The following NSD2 variants were observed in gnomAD, a reference collection of about 807,000 sequenced individuals.
NSD2 encodes nuclear receptor binding SET domain protein 2, also known as histone-lysine N-methyltransferase NSD2.
A neutral mutation model predicts 139.0 loss-of-function variants in NSD2; 12 were observed. That is an observed-to-expected ratio of 0.09 (90% CI 0.06 to 0.14). The LOEUF (loss-of-function observed/expected upper bound fraction) is 0.14. NSD2 is among the 10% of genes least tolerant of loss of function. The pLI, the probability that NSD2 is intolerant of heterozygous loss-of-function variation, is 1.00. For missense variants in NSD2, 1,155 were observed against 1,745.0 expected (o/e 0.66, Z 6.02); for synonymous variants, 669 against 648.7 (o/e 1.03, Z -0.48).
rs1205642465 is a variant in NSD2 at position 1,958,559 on chromosome 4, G to C, written c.2985+523G>C. ...CTCCAGGCCCCTCAGGGCTGCCTGC[G>C]CTCAGAGCTGGTGCGGCAAGCCGCA... On this transcript the variant is annotated intron_variant, in intron 16 of 21. Coordinates refer to ENST00000508803, the MANE Select transcript of NSD2 (RefSeq NM_001042424.3). This position sits in a 1 kb window ranked among gnomAD's most constrained non-coding sequence, Gnocchi z 4.6. 6.6e-6 allele frequency among the ~76,000 whole-genome samples: 1 copy of C among 152,260 alleles called. No homozygotes were observed. Among genetic ancestry groups the C allele is most frequent in the African/African-American group, 2.4e-5 (1 of 41,476 alleles).
rs1028007623 is a variant in NSD2, at chr4:1,942,680, G to A, written c.1881+2902G>A. The stretch of plus-strand genomic sequence containing the variant: ...GTTGAAAGGCAGTCCCTTTAGTTGG[G>A]GGCTGTCCAGAGCTGCAGCAGGGCT... On this transcript the variant is annotated intron_variant, in intron 9 of 21. Transcript: ENST00000508803. This position sits in a 1 kb window ranked among gnomAD's most constrained non-coding sequence, Gnocchi z 4.0. The A allele has an allele frequency of 1.2e-5, 14 of 1,151,988 alleles. No homozygotes were observed. The highest frequency in any genetic ancestry group is 1.5e-5 in the Non-Finnish European group (14 of 932,026). The allele number at this position is 1,151,988 out of a possible 1,614,324, so 71.4% of individuals were successfully genotyped here.
chr4:1,915,627 C>T (rs1013012990), intron 3 of NSD2, among the ~76,000 whole-genome samples: 9 of 152,030 alleles, frequency 5.9e-5, no homozygotes, highest in African/African-American at 1.9e-4. Context: ...GTGCTGGGCT[C>T]GTGTTTAAGA....
Position 1,974,811 on chromosome 4 carries a change from A to C in NSD2, c.3373-52A>C. 2 of 1,609,736 alleles carry C rather than the reference A, an allele frequency of 1.2e-6. No individual in the cohort carries two copies. The highest frequency in any genetic ancestry group is 1.7e-6 in the Non-Finnish European group (2 of 1,176,382). ...TTATGATGGTGAAAATTCCCTTTAAAAATAACATGCGATTGCTAACACTTG... is the reference window on the plus strand; with the variant it reads ...TTATGATGGTGAAAATTCCCTTTAACAATAACATGCGATTGCTAACACTTG... On this transcript the variant is annotated intron_variant, in intron 18 of 21. Transcript: ENST00000508803. The surrounding 1 kb of genome is among the most constrained non-coding windows in gnomAD (Gnocchi z 4.0).
intron 9 of NSD2, among the ~76,000 whole-genome samples, chr4:1,949,353 G>T (rs932383766): frequency 1.3e-5 from 2 of 152,210 alleles, no homozygotes; most frequent in Admixed American, 6.5e-5. Flanking sequence ...AGATTAAGAG[G>T]CTGCGTTTTC....
chr4:1,969,558 A>T (rs901896439), intron 18 of NSD2, among the ~76,000 whole-genome samples: 2 of 150,738 alleles, frequency 1.3e-5, no homozygotes, highest in Non-Finnish European at 2.9e-5. Context: ...AAAAAAAAAA[A>T]TAGCTGGGCA....
Position 1,955,563 on chromosome 4 carries a change from T to C in NSD2, c.2519-130T>C, listed in dbSNP as rs2108958027. On this transcript the variant is annotated intron_variant, in intron 13 of 21. Transcript: ENST00000508803. The surrounding 1 kb of genome is among the most constrained non-coding windows in gnomAD (Gnocchi z 4.7). ...AAAATGACATTTGCTCTCGTGCTGATGTACAGATCGCTGTTTTAAAACTGA... is the reference window on the plus strand; with the variant it reads ...AAAATGACATTTGCTCTCGTGCTGACGTACAGATCGCTGTTTTAAAACTGA... 1 of 1,276,126 alleles carries C rather than the reference T, an allele frequency of 7.8e-7. No individual in the cohort carries two copies. Among genetic ancestry groups the C allele is most frequent in the Non-Finnish European group, 1.1e-6 (1 of 951,642 alleles). The allele number at this position is 1,276,126 out of a possible 1,614,324, so 79.1% of individuals were successfully genotyped here. A position where few individuals can be genotyped will look rare whatever the true frequency, so the allele number is the denominator to read the frequency against.
rs113166498 is a variant in NSD2, at chr4:1,974,156, G to A, written c.3373-707G>A. ...GATCTGCATTTCTCCACCTCTGCCTGGATTTGCTCTTTGGGAATTGTTTCT... is the reference window on the plus strand; with the variant it reads ...GATCTGCATTTCTCCACCTCTGCCTAGATTTGCTCTTTGGGAATTGTTTCT... On this transcript the variant is annotated intron_variant, in intron 18 of 21. Transcript: ENST00000508803. The surrounding 1 kb of genome is among the most constrained non-coding windows in gnomAD (Gnocchi z 4.0). Among the ~76,000 whole-genome samples, 862 of 152,220 alleles carry A rather than the reference G, an allele frequency of 5.7e-3. 9 individuals carry two copies. Among genetic ancestry groups the A allele is most frequent in the African/African-American group, 0.02 (817 of 41,538 alleles).
At chr4:1,896,297 C>T (rs1577379621) in intron 1 of NSD2, among the ~76,000 whole-genome samples, 1 of 152,260 alleles carries the variant, frequency 6.6e-6, no homozygotes, top group East Asian at 1.9e-4. Context: ...GGGGTCCTGC[C>T]ATGGGCAGCC....
At chr4:1,939,832 T>A in intron 9 of NSD2, 54 bp downstream of exon 9, 3 of 1,612,676 alleles carry the variant, frequency 1.9e-6, no homozygotes, top group Non-Finnish European at 2.5e-6. Context: ...GCCATTTAGC[T>A]GCCCACGCTG....
chr4:1,919,929 C>T (rs564579872), intron 5 of NSD2, among the ~76,000 whole-genome samples: 53 of 150,964 alleles, frequency 3.5e-4, no homozygotes, highest in African/African-American at 1.0e-3. Context: ...AATGAGACGC[C>T]GTCTCAAAAA....
chr4:1,902,464 TC>T (rs1225158302), intron 2 of NSD2, among the ~76,000 whole-genome samples: 1 of 152,030 alleles, frequency 6.6e-6, no homozygotes, highest in Non-Finnish European at 1.5e-5. Flanking sequence ...GCTCAAACGA[TC>T]CTCCCACCTC....
At chr4:1,953,095 T>G in intron 11 of NSD2, 1 of 1,502,170 alleles carries the variant, frequency 6.7e-7, no homozygotes, top group Non-Finnish European at 8.9e-7. Context: ...AAGATTCTCC[T>G]GTATTTCAGG....
chr4:1,959,008 A>G (rs28644405), intron 16 of NSD2, among the ~76,000 whole-genome samples: 1,883 of 152,294 alleles, frequency 0.012, 41 homozygotes, highest in African/African-American at 0.043. Context: ...CCTCCTGCCT[A>G]GCACTGCTCC....
intron 1 of NSD2, among the ~76,000 whole-genome samples, chr4:1,895,491 C>T (rs1716144774): frequency 6.6e-6 from 1 of 152,180 alleles, no homozygotes; most frequent in African/African-American, 2.4e-5. Context: ...ATATTTTTAG[C>T]TGTGCCTGGT....
rs184269531 is a variant in NSD2 at position 1,935,149 on chromosome 4, G to A, written c.1561G>A (p.Val521Ile). The stretch of plus-strand genomic sequence containing the variant: ...TCCCCATTCCCCATTCCAAGGTAAT[G>A]TAAATGGGAAAAAAAGAAACCACAC... ...PVQAEEDSGN[V>I]NGKKRNHTKR... The change falls in exon 7 of 22, where the codon GTA becomes ATA. Residue 521 changes from valine to isoleucine, a missense_variant. By Grantham distance (29) the Val-to-Ile change is conservative. Transcript: ENST00000508803. The A allele has an allele frequency of 1.2e-6, 2 of 1,609,326 alleles. No individual in the cohort carries two copies. Among genetic ancestry groups the A allele is most frequent in the East Asian group, 2.2e-5 (1 of 44,696 alleles).
At position 1,982,105 on chromosome 4, in the gene NSD2, C is replaced by A; in HGVS notation, c.*3196C>A. On this transcript the variant is annotated 3_prime_UTR_variant, in exon 22 of 22. Coordinates refer to ENST00000508803, the MANE Select transcript of NSD2 (RefSeq NM_001042424.3). ...TACTGAAATAGAGAGTTGAGACTTG[C>A]CAGTTGGGGGAAAATAGCATTTAAA... is the stretch of plus-strand genomic sequence containing the variant. 2.5e-6 allele frequency: 1 copy of A among 396,698 alleles called. No homozygotes were observed. Among genetic ancestry groups the A allele is most frequent in the Non-Finnish European group, 4.4e-6 (1 of 225,474 alleles). The allele number at this position is 396,698 out of a possible 1,614,324, so 24.6% of individuals were successfully genotyped here.
intron 1 of NSD2, among the ~76,000 whole-genome samples, chr4:1,897,815 T>A (rs984173916): frequency 6.6e-6 from 1 of 151,970 alleles, no homozygotes; most frequent in Non-Finnish European, 1.5e-5. Flanking sequence ...TTAGTAGAGT[T>A]GTGGTTTCAC....
At chr4:1,971,239 G>GA (rs746763078) in intron 18 of NSD2, among the ~76,000 whole-genome samples, 1 of 152,148 alleles carries the variant, frequency 6.6e-6, no homozygotes, top group Non-Finnish European at 1.5e-5. Context: ...TGAAGTCGAA[G>GA]AAAGGAGTTG....
chr4:1,945,889 C>T (rs1723579439), intron 9 of NSD2: 5 of 1,059,770 alleles, frequency 4.7e-6, no homozygotes, highest in Admixed American at 1.1e-4. Context: ...TGCTTCATTT[C>T]TTTTTCATTT....
Sources: allele counts gnomAD v4.1 joint callset (sites outside exome capture counted in the v4.1 genomes callset), GRCh38; gene constraint gnomAD v4.1.1; non-coding constraint Gnocchi (gnomAD v3.1); transcripts MANE v1.5; gene names NCBI Gene and HGNC (gene_info 2026-07-23, HGNC 2026-07-21).